DMD: variants seen among roughly 807,000 people sequenced by gnomAD.
DMD encodes the protein mutant dystrophin.
In DMD, 63 loss-of-function variants were observed where a neutral mutation model predicts 330.1. The observed-to-expected ratio is 0.19, with a 90% CI of 0.16 to 0.24. The LOEUF (loss-of-function observed/expected upper bound fraction) is 0.24, where lower values mean the gene tolerates loss of function less well. Among genes scored for constraint, DMD ranks in the 10% least tolerant of loss-of-function variants. DMD has a pLI of 1.00. For synonymous variants in DMD, 1,223 were observed against 959.8 expected (o/e 1.27, Z -5.07); for missense variants, 3,344 against 2,684.1 (o/e 1.25, Z -5.43).
chrX:32,531,514 T>C (rs1228768632), intron 17 of DMD, among the ~76,000 whole-genome samples: 1 of 112,048 alleles, frequency 8.9e-6, no homozygotes, highest in Non-Finnish European at 1.9e-5. Context: ...ATATATCATT[T>C]TAAGCATCTT....
At chrX:31,638,480 T>A (rs1451126392) in intron 54 of DMD, among the ~76,000 whole-genome samples, 1 of 112,279 alleles carries the variant, frequency 8.9e-6, no homozygotes, top group Non-Finnish European at 1.9e-5. Context: ...ATCGACATCC[T>A]TTGCGTAAAA....
chrX:32,205,005 T>TCTCTCTCACACACACACACA (rs60181300), intron 44 of DMD, among the ~76,000 whole-genome samples: 1 of 29,230 alleles, frequency 3.4e-5, no homozygotes, highest in Admixed American at 4.4e-4. Context: ...TCTCTCTCTC[T>TCTCTCTCACACACACACACA]CACATACACA....
At chrX:32,137,133 T>G (rs1351466634) in intron 44 of DMD, among the ~76,000 whole-genome samples, 2 of 112,291 alleles carry the variant, frequency 1.8e-5, no homozygotes, top group East Asian at 5.6e-4. Context: ...TGAGGCTTAT[T>G]TAGAATGCTG....
chrX:31,974,465 A>G (rs2095421784), intron 44 of DMD, among the ~76,000 whole-genome samples: 1 of 110,917 alleles, frequency 9.0e-6, no homozygotes, highest in Admixed American at 9.6e-5. Flanking sequence ...ATGAACGATC[A>G]GAAATAAAAT....
intron 55 of DMD, among the ~76,000 whole-genome samples, chrX:31,516,736 T>A (rs1603298509): frequency 8.9e-6 from 1 of 111,879 alleles, no homozygotes; most frequent in East Asian, 2.8e-4. Flanking sequence ...TGCTTTCATA[T>A]CTCATTCGAA....
At chrX:31,349,431 ATAT>A (rs755108086) in intron 60 of DMD, among the ~76,000 whole-genome samples, 1 of 112,780 alleles carries the variant, frequency 8.9e-6, no homozygotes, top group Admixed American at 9.4e-5. Context: ...AAAGAAAAAA[ATAT>A]TAAGTATCAA....
At chrX:31,954,216 A>G (rs957411917) in intron 45 of DMD, among the ~76,000 whole-genome samples, 4 of 112,018 alleles carry the variant, frequency 3.6e-5, no homozygotes, top group Non-Finnish European at 7.5e-5. Context: ...AAAAATAATT[A>G]TAATCTCAAT....
chrX:31,186,374 A>T (rs1354074602), intron 67 of DMD, among the ~76,000 whole-genome samples: 1 of 112,061 alleles, frequency 8.9e-6, no homozygotes, highest in Non-Finnish European at 1.9e-5. Context: ...GCTGGAGGCC[A>T]TTATCCTTAG....
In DMD at chrX:32,357,913, G is replaced by T. The variant is rs190014260; in HGVS notation, c.5325+4875C>A. Among the ~76,000 whole-genome samples the T allele has an allele frequency of 2.8e-5, 3 of 109,069 alleles. No individual in the cohort carries two copies. The Admixed American group carries it at 3.0e-4, about 11-fold the overall frequency. The allele number at this position is 109,069 out of a possible 115,157, so 94.7% of individuals were successfully genotyped here. ...CTAAGCTTTCTCATATGTTTATGCC[G>T]AATTGTTACCTCCTCTGTGTTGCTG... On this transcript the variant is annotated intron_variant, in intron 37 of 78. Transcript: ENST00000357033.
chrX:33,288,948 G>A (rs748864380), intron 1 of DMD, among the ~76,000 whole-genome samples: 2 of 111,347 alleles, frequency 1.8e-5, no homozygotes, highest in Admixed American at 1.9e-4. Context: ...TATGACCTGA[G>A]CTACCAACAA....
intron 19 of DMD, among the ~76,000 whole-genome samples, chrX:32,498,828 T>A (rs1446379431): frequency 8.9e-6 from 1 of 111,843 alleles, no homozygotes; most frequent in Non-Finnish European, 1.9e-5. Context: ...CAACTGATTT[T>A]TAACAATACT....
intron 44 of DMD, among the ~76,000 whole-genome samples, chrX:32,170,387 G>A (rs919452695): frequency 2.7e-4 from 29 of 109,196 alleles, no homozygotes; most frequent in African/African-American, 9.3e-4. Context: ...CAGGAGAATC[G>A]CTTGAATCTG....
At chrX:33,120,670 C>G (rs1161523967) in intron 1 of DMD, among the ~76,000 whole-genome samples, 1 of 110,397 alleles carries the variant, frequency 9.1e-6, no homozygotes, top group East Asian at 2.9e-4. Context: ...CACCTGAGGT[C>G]AGGAGTTCAA....
intron 1 of DMD, among the ~76,000 whole-genome samples, chrX:33,051,520 C>G (rs750950875): frequency 1.2e-3 from 133 of 109,550 alleles, no homozygotes; most frequent in African/African-American, 4.3e-3. Flanking sequence ...CCTCAACCGA[C>G]TTTTTTAGAC....
At chrX:32,814,411 T>A (rs1302604108) in intron 6 of DMD, among the ~76,000 whole-genome samples, 2 of 112,431 alleles carry the variant, frequency 1.8e-5, no homozygotes, top group South Asian at 7.3e-4. Flanking sequence ...TTCTGTATAG[T>A]TGAACCACTC....
chrX:31,336,648 C>A (rs1035270976), intron 61 of DMD, among the ~76,000 whole-genome samples: 18 of 112,121 alleles, frequency 1.6e-4, no homozygotes, highest in Non-Finnish European at 3.4e-4. Context: ...TAATAAATAA[C>A]TAATCCAATC....
intron 62 of DMD, among the ~76,000 whole-genome samples, chrX:31,281,960 G>A (rs1048328374): frequency 1.9e-5 from 2 of 104,409 alleles, no homozygotes; most frequent in African/African-American, 7.9e-5. Context: ...ATGACCTTCA[G>A]TAGAGAAATG....
At chrX:31,608,221 T>G (rs750665904) in intron 55 of DMD, among the ~76,000 whole-genome samples, 1 of 111,878 alleles carries the variant, frequency 8.9e-6, no homozygotes, top group African/African-American at 3.2e-5. Context: ...TGGAAATTCA[T>G]GAAGGATTAA....
chrX:32,710,032 G>T (rs890356717), intron 7 of DMD, among the ~76,000 whole-genome samples: 5 of 111,226 alleles, frequency 4.5e-5, no homozygotes, highest in Non-Finnish European at 9.4e-5. Context: ...CTGCTTGAAG[G>T]GGCAGAAAGC....
Sources: gnomAD v4.1 joint callset for allele counts (sites outside exome capture counted in the v4.1 genomes callset) on GRCh38, gnomAD v4.1.1 for gene constraint, MANE v1.5 for transcripts, NCBI Gene and HGNC (gene_info 2026-07-23, HGNC 2026-07-21) for gene names.